Variants in RP1 observed in about 807,000 individuals in gnomAD.
RP1 encodes the protein oxygen-regulated protein 1.
Under a neutral mutation model 14.8 loss-of-function variants are expected in RP1, and 16 were observed. The observed-to-expected ratio is 1.08, with a 90% CI of 0.73 to 1.65. The LOEUF (loss-of-function observed/expected upper bound fraction) is 1.65, where lower values mean the gene tolerates loss of function less well. Ranked by LOEUF, RP1 falls within the 40% of genes most tolerant of loss-of-function variation. RP1 has a pLI of 0.00. For missense variants in RP1, 2,631 were observed against 2,535.0 expected (o/e 1.04, Z -0.81); for synonymous variants, 876 against 883.6 (o/e 0.99, Z 0.15).
chr8:54,862,185 G>A (rs1563399486), intron 27 of RP1, among the ~76,000 whole-genome samples: 1 of 152,170 alleles, frequency 6.6e-6, no homozygotes, highest in African/African-American at 2.4e-5. Context: ...GTAGAAGTCA[G>A]TTGCTAGGTA....
chr8:54,745,397 C>G (rs1383757046), intron 19 of RP1, among the ~76,000 whole-genome samples: 2 of 152,174 alleles, frequency 1.3e-5, no homozygotes, highest in Non-Finnish European at 2.9e-5. Context: ...CACCATATGT[C>G]TGTTCCAGTC....
At chr8:54,712,506 G>T (rs1808315896) in intron 15 of RP1, among the ~76,000 whole-genome samples, 1 of 152,084 alleles carries the variant, frequency 6.6e-6, no homozygotes. Context: ...CAGTTGTTTT[G>T]TGCATTAACA....
chr8:54,783,611 G>C (rs780148601), exon 24 of RP1: 3 of 1,231,408 alleles, frequency 2.4e-6, no homozygotes, highest in Admixed American at 4.2e-5. Flanking sequence ...CGGCAACAGT[G>C]TTCCTTTATG....
At chr8:54,839,430 G>T (rs1811741121) in intron 25 of RP1, among the ~76,000 whole-genome samples, 1 of 152,184 alleles carries the variant, frequency 6.6e-6, no homozygotes, top group Non-Finnish European at 1.5e-5. Flanking sequence ...ATGAGCACCA[G>T]AGGAAATCCT....
chr8:54,641,105 T>C (rs1400078979), intron 3 of RP1, among the ~76,000 whole-genome samples: 2 of 151,804 alleles, frequency 1.3e-5, no homozygotes, highest in Non-Finnish European at 2.9e-5. Context: ...CCACCACGCC[T>C]GGCTAATTTT....
chr8:54,787,074 G>C (rs1348267817), intron 24 of RP1, among the ~76,000 whole-genome samples: 1 of 152,132 alleles, frequency 6.6e-6, no homozygotes, highest in Non-Finnish European at 1.5e-5. Flanking sequence ...TAAAAGAAGA[G>C]GATTCTAGTT....
At chr8:54,765,815 A>C (rs1176684452) in intron 22 of RP1, among the ~76,000 whole-genome samples, 1 of 152,062 alleles carries the variant, frequency 6.6e-6, no homozygotes, top group African/African-American at 2.4e-5. Flanking sequence ...TTCCTCCAGC[A>C]CTTGACTTAG....
At chr8:54,660,495 G>A (rs1806862343) in intron 6 of RP1, among the ~76,000 whole-genome samples, 1 of 152,074 alleles carries the variant, frequency 6.6e-6, no homozygotes, top group Non-Finnish European at 1.5e-5. Flanking sequence ...TTCATATGTG[G>A]AACCATCCTT....
At chr8:54,854,793 A>T (rs141171110) in intron 26 of RP1, among the ~76,000 whole-genome samples, 267 of 152,296 alleles carry the variant, frequency 1.8e-3, no homozygotes, top group African/African-American at 5.9e-3. Flanking sequence ...TGAACCCGGG[A>T]ATTGGAGGTT....
At chr8:54,821,947 C>A (rs1212298854) in intron 24 of RP1, among the ~76,000 whole-genome samples, 54 of 152,098 alleles carry the variant, frequency 3.6e-4, no homozygotes, top group Non-Finnish European at 2.9e-5. Flanking sequence ...AATGTCAGGA[C>A]CAGTGCTAAA....
chr8:54,704,637 T>G (rs1166409420), intron 14 of RP1, among the ~76,000 whole-genome samples: 1 of 152,122 alleles, frequency 6.6e-6, no homozygotes, highest in African/African-American at 2.4e-5. Flanking sequence ...TTAAGAAAAA[T>G]TATCTGTGAA....
chr8:54,866,103 T>C (rs1364033042), intron 28 of RP1, among the ~76,000 whole-genome samples: 1 of 152,172 alleles, frequency 6.6e-6, no homozygotes, highest in Non-Finnish European at 1.5e-5. Flanking sequence ...TCTTCTTTTG[T>C]AATCTCTAAC....
chr8:54,784,156 G>A (rs753070372), intron 24 of RP1, among the ~76,000 whole-genome samples: 1 of 152,098 alleles, frequency 6.6e-6, no homozygotes, highest in Non-Finnish European at 1.5e-5. Flanking sequence ...ACGGTCAAAT[G>A]GTCAAGATTC....
At chr8:54,571,957 A>G (rs1188111072) in intron 1 of RP1, among the ~76,000 whole-genome samples, 2 of 152,170 alleles carry the variant, frequency 1.3e-5, no homozygotes, top group Admixed American at 6.5e-5. Context: ...AAGTTAAGTC[A>G]TCTATTTGCA....
At chr8:54,796,912 C>T (rs1240556074) in intron 24 of RP1, among the ~76,000 whole-genome samples, 2 of 152,050 alleles carry the variant, frequency 1.3e-5, no homozygotes, top group African/African-American at 4.8e-5. Flanking sequence ...GATGTTAGTG[C>T]CTTTCAAAAG....
chr8:54,561,875 T>C (rs1321668562), intron 1 of RP1: 1 of 152,242 alleles, frequency 6.6e-6, no homozygotes, highest in Non-Finnish European at 1.5e-5. Flanking sequence ...TGTGATATCC[T>C]GCATACAATA....
intron 24 of RP1, among the ~76,000 whole-genome samples, chr8:54,816,738 A>G (rs1457857991): frequency 3.9e-5 from 6 of 152,134 alleles, no homozygotes; most frequent in African/African-American, 1.4e-4. Context: ...AAACTGGAAC[A>G]TGTTATCTCC....
At chr8:54,759,133 T>C (rs1477489861) in intron 22 of RP1, 1 of 389,346 alleles carries the variant, frequency 2.6e-6, no homozygotes, top group African/African-American at 1.4e-4. Flanking sequence ...GATGATGCTG[T>C]GTGTGTGTGT....
intron 25 of RP1, among the ~76,000 whole-genome samples, chr8:54,843,732 G>T (rs944130455): frequency 6.6e-6 from 1 of 152,146 alleles, no homozygotes; most frequent in Non-Finnish European, 1.5e-5. Context: ...GAGCTCCAGG[G>T]CCCTTGTTCC....
Sources: gnomAD v4.1 joint callset for allele counts (sites outside exome capture counted in the v4.1 genomes callset) on GRCh38, gnomAD v4.1.1 for gene constraint, MANE v1.5 for transcripts, NCBI Gene and HGNC (gene_info 2026-07-23, HGNC 2026-07-21) for gene names.